LANCL3: variants seen among roughly 807,000 people sequenced by gnomAD.
LANCL3 encodes the protein LanC like family member 3, also known as lanC-like protein 3.
Under a neutral mutation model 26.5 loss-of-function variants are expected in LANCL3, and 19 were observed. That is an observed-to-expected ratio of 0.72 (90% CI 0.50 to 1.05). LANCL3 has a LOEUF of 1.05. LANCL3 is among the 50% of genes least tolerant of loss of function. The probability of loss-of-function intolerance (pLI) is 0.00; values close to 1 mark genes in which losing one functional copy is unlikely to be tolerated. For missense variants in LANCL3, 318 were observed against 362.7 expected, an observed-to-expected ratio of 0.88 and a Z score of 1.00; for synonymous variants, 160 against 166.6, an observed-to-expected ratio of 0.96 and a Z score of 0.30.
At chrX:37,618,148 C>G (rs1449173154) in intron 1 of LANCL3, among the ~76,000 whole-genome samples, 2 of 112,174 alleles carry the variant, frequency 1.8e-5, no homozygotes, top group Non-Finnish European at 3.8e-5. Context: ...ACAAGGCATT[C>G]ATCAAGGTCC....
At chrX:37,606,844 A>C (rs782244282) in intron 1 of LANCL3, among the ~76,000 whole-genome samples, 64 of 112,393 alleles carry the variant, frequency 5.7e-4, no homozygotes, top group Non-Finnish European at 8.5e-4. Context: ...AACACTTTTG[A>C]TGGAATTATG....
At chrX:37,595,471 G>A (rs1556419408) in intron 1 of LANCL3, among the ~76,000 whole-genome samples, 1 of 112,097 alleles carries the variant, frequency 8.9e-6, no homozygotes, top group Admixed American at 9.5e-5. Flanking sequence ...AGTTGGTCAT[G>A]AATATTGTCA....
At chrX:37,671,750 C>T (rs1299602009) in intron 4 of LANCL3, among the ~76,000 whole-genome samples, 1 of 111,884 alleles carries the variant, frequency 8.9e-6, no homozygotes, top group Non-Finnish European at 1.9e-5. Flanking sequence ...GAAAGGCCCT[C>T]CCAAGTCAAC....
At position 37,655,630 on chromosome X, in the gene LANCL3, G is replaced by C. The variant is rs1314744281; in HGVS notation, c.574-58G>C. 13 of 1,048,865 alleles carry C rather than the reference G, an allele frequency of 1.2e-5. No homozygotes were observed. The Admixed American group carries it at 3.2e-4, about 26-fold the overall frequency. 86.4% of individuals were successfully genotyped at this position (1,048,865 alleles called of 1,213,427 possible). ...TAGACTTCTTAAGCAAGAAAATTCA[G>C]TGTCTAAGGAAAAAGGAGATCCTGC... On this transcript the variant is annotated intron_variant, in intron 1 of 4. Coordinates refer to ENST00000378619, the MANE Select transcript of LANCL3 (RefSeq NM_001170331.2).
chrX:37,591,974 T>C (rs1366056953), intron 1 of LANCL3, among the ~76,000 whole-genome samples: 1 of 110,903 alleles, frequency 9.0e-6, no homozygotes, highest in Non-Finnish European at 1.9e-5. Context: ...GAGATTCACT[T>C]TTTTGACAGA....
intron 1 of LANCL3, among the ~76,000 whole-genome samples, chrX:37,648,166 T>G (rs1451129047): frequency 8.9e-6 from 1 of 112,567 alleles, no homozygotes; most frequent in African/African-American, 3.2e-5. Context: ...TTGTCTTTTT[T>G]TAAAAAATCA....
At chrX:37,599,835 C>T (rs1004695568) in intron 1 of LANCL3, among the ~76,000 whole-genome samples, 7 of 111,981 alleles carry the variant, frequency 6.3e-5, no homozygotes, top group African/African-American at 2.3e-4. Flanking sequence ...GCTCCCAGTT[C>T]TGAGAATTCT....
chrX:37,576,309 T>C (rs1602090014), intron 1 of LANCL3, among the ~76,000 whole-genome samples: 1 of 111,901 alleles, frequency 8.9e-6, no homozygotes, highest in African/African-American at 3.3e-5. Context: ...CCTGGAATAG[T>C]TCCAAGGGTT....
rs1556415744 is a variant in LANCL3, at chrX:37,572,278, C to G, written c.408C>G (p.His136Gln). 9 of 1,153,266 alleles carry G rather than the reference C, an allele frequency of 7.8e-6. No homozygotes were observed. The Admixed American group carries it at 2.3e-4, about 30-fold the overall frequency. ...ACGCCGTGGCCACGCTCGTATACCA[C>G]GCCCTGGGCCGGTCCGACTACGTGC... ...GVYAVATLVY[H>Q]ALGRSDYVQP... The change falls in exon 1 of 5, where the codon CAC becomes CAG. Residue 136 changes from histidine (H) to glutamine (Q), a missense_variant. By Grantham distance (24) the His-to-Gln change is conservative (BLOSUM62 0). Coordinates refer to ENST00000378619, the MANE Select transcript of LANCL3 (RefSeq NM_001170331.2).
intron 1 of LANCL3, among the ~76,000 whole-genome samples, chrX:37,604,811 T>C (rs1924662701): frequency 8.9e-6 from 1 of 112,652 alleles, no homozygotes; most frequent in Non-Finnish European, 1.9e-5. Flanking sequence ...CCAGTTCAGT[T>C]GTGAAGGGTA....
intron 1 of LANCL3, among the ~76,000 whole-genome samples, chrX:37,638,681 G>A (rs1443572718): frequency 9.0e-6 from 1 of 111,349 alleles, no homozygotes; most frequent in Admixed American, 9.6e-5. Context: ...AATCTTAAGG[G>A]TATAACTCAG....
At chrX:37,577,735 A>AAG (rs1340886022) in intron 1 of LANCL3, among the ~76,000 whole-genome samples, 1 of 111,844 alleles carries the variant, frequency 8.9e-6, no homozygotes, top group Admixed American at 9.5e-5. Context: ...CAGAAAACCT[A>AAG]AGGTAATTCT....
In LANCL3 at chrX:37,626,390, A is replaced by G. The variant is rs147962256; in HGVS notation, c.574-29298A>G. Among the ~76,000 whole-genome samples, 1,017 of 112,250 alleles carry G rather than the reference A, an allele frequency of 9.1e-3. 10 individuals are homozygous for G. Among genetic ancestry groups the G allele is most frequent in the African/African-American group, 0.031 (955 of 30,894 alleles). The stretch of plus-strand genomic sequence containing the variant: ...GTGTGTGATTTAATATTGGCATTCC[A>G]TGAGTTGATGAGTGAATGAGGTCAC... On this transcript the variant is annotated intron_variant, in intron 1 of 4. Coordinates refer to ENST00000378619, the MANE Select transcript of LANCL3 (RefSeq NM_001170331.2).
intron 4 of LANCL3, among the ~76,000 whole-genome samples, chrX:37,674,326 T>A (rs1926747098): frequency 8.9e-6 from 1 of 112,115 alleles, no homozygotes; most frequent in South Asian, 3.6e-4. Flanking sequence ...TATTGTAAAA[T>A]CTTAATTTTA....
At chrX:37,594,162 T>A (rs1556419269) in intron 1 of LANCL3, among the ~76,000 whole-genome samples, 1 of 111,786 alleles carries the variant, frequency 8.9e-6, no homozygotes, top group Non-Finnish European at 1.9e-5. Flanking sequence ...GTTGAACCAT[T>A]TATCTAAAGC....
intron 1 of LANCL3, among the ~76,000 whole-genome samples, chrX:37,633,685 A>G (rs1396530284): frequency 1.8e-5 from 2 of 111,759 alleles, no homozygotes; most frequent in Non-Finnish European, 3.8e-5. Context: ...GGAGTTTGCT[A>G]GAGGTCCACT....
intron 3 of LANCL3, among the ~76,000 whole-genome samples, chrX:37,664,024 G>T (rs1556433260): frequency 8.9e-6 from 1 of 111,904 alleles, no homozygotes; most frequent in African/African-American, 3.2e-5. Flanking sequence ...TCCCTGTGAG[G>T]GGTGGCTGCA....
intron 1 of LANCL3, among the ~76,000 whole-genome samples, chrX:37,622,593 A>C (rs1925197515): frequency 1.8e-5 from 2 of 111,786 alleles, no homozygotes; most frequent in African/African-American, 6.5e-5. Context: ...TGAATTGCAC[A>C]CTTCTTCATG....
At chrX:37,598,171 A>G (rs1357618368) in intron 1 of LANCL3, among the ~76,000 whole-genome samples, 10 of 111,611 alleles carry the variant, frequency 9.0e-5, no homozygotes, top group African/African-American at 2.6e-4. Context: ...TAATTTTTAT[A>G]AAGTCCAGTT....
Sources: gnomAD v4.1 joint callset for allele counts (sites outside exome capture counted in the v4.1 genomes callset) on GRCh38, gnomAD v4.1.1 for gene constraint, MANE v1.5 for transcripts, NCBI Gene and HGNC (gene_info 2026-07-23, HGNC 2026-07-21) for gene names.